DUOX2: variants seen among roughly 807,000 people sequenced by gnomAD.
DUOX2 encodes the protein dual oxidase 2, also known as NADH/NADPH thyroid oxidase p138-tox.
In DUOX2, 185 loss-of-function variants were observed where a neutral mutation model predicts 183.3. The ratio of observed to expected loss-of-function variants is 1.01; its 90% CI spans 0.90 to 1.14. The LOEUF (loss-of-function observed/expected upper bound fraction) is 1.14. Among genes scored for constraint, DUOX2 ranks in the 50% most tolerant of loss-of-function variants. The pLI, the probability that DUOX2 is intolerant of heterozygous loss-of-function variation, is 0.00. For missense variants in DUOX2, 1,999 were observed against 2,022.9 expected, an observed-to-expected ratio of 0.99 and a Z score of 0.23; for synonymous variants, 788 against 812.4, an observed-to-expected ratio of 0.97 and a Z score of 0.51.
At chr15:45,097,164 C>T in intron 29 of DUOX2, 74 bp downstream of exon 29, 2 of 1,602,538 alleles carry the variant, frequency 1.2e-6, no homozygotes, top group East Asian at 2.2e-5. Context: ...GTCAGGAGAC[C>T]TGGTGAACTG....
chr15:45,111,914 C>G lies in DUOX2; in HGVS notation c.367G>C (p.Gly123Arg), dbSNP rs1334915762. ...LSDVVSVETP[G>R]CPAEFLNIRI... ...ATGTTGAGGAACTCGGCGGGGCAAC[C>G]GGGCGTTTCCACGCTCACCACGTCG... Residue 123 changes from glycine to arginine, a missense_variant, in exon 5 of 34, where the codon GGT (glycine) becomes CGT (arginine). Gly to Arg is a moderately radical substitution (Grantham distance 125). This residue lies in a region of DUOX2 where 356 missense variants were observed against 356.4 expected (regional missense o/e 1.00). Transcript: ENST00000389039. 6.8e-6 allele frequency: 11 copies of G among 1,613,682 alleles called. No individual in the cohort carries two copies. Among genetic ancestry groups the G allele is most frequent in the Non-Finnish European group, 9.3e-6 (11 of 1,180,032 alleles).
intron 12 of DUOX2, 141 bp downstream of exon 12, chr15:45,108,648 C>A (rs1732308018): frequency 1.0e-6 from 1 of 967,590 alleles, no homozygotes. Context: ...CCAACTATGT[C>A]ATCAGTAAAA....
chr15:45,099,768 G>A lies in DUOX2; in HGVS notation c.3309C>T (p.Arg1103=). The stretch of plus-strand genomic sequence containing the variant: ...TCTCTCGCAGGAAGGTTATGAGGTT[G>A]CGGCACATGGTGAGCAAGATATAAG... The part of the protein sequence containing the change: ...MFSYILLTMC[R]NLITFLRETF... The change falls in exon 25 of 34, where the codon CGC becomes CGT. Residue 1103 remains arginine, a synonymous_variant. Coordinates refer to ENST00000389039, the MANE Select transcript of DUOX2 (RefSeq NM_001363711.2). 1 of 1,614,206 alleles carries A rather than the reference G, an allele frequency of 6.2e-7. No individual in the cohort carries two copies. The highest frequency in any genetic ancestry group is 8.5e-7 in the Non-Finnish European group (1 of 1,180,034).
At chr15:45,094,534 G>C in intron 33 of DUOX2, 29 bp downstream of exon 33, 1 of 1,601,964 alleles carries the variant, frequency 6.2e-7, no homozygotes, top group South Asian at 1.1e-5. Context: ...GAAGGCCAGA[G>C]TCCCAGGGTG....
intron 9 of DUOX2, among the ~76,000 whole-genome samples, 188 bp downstream of exon 9, chr15:45,110,240 A>G (rs553745707): frequency 1.1e-3 from 161 of 152,298 alleles, no homozygotes; most frequent in Middle Eastern, 0.01. Flanking sequence ...TTCAGCCCTT[A>G]GGAGAGCTGG....
At chr15:45,103,914 TGA>T in intron 20 of DUOX2, 44 bp downstream of exon 20, 1 of 1,603,552 alleles carries the variant, frequency 6.2e-7, no homozygotes, top group Middle Eastern at 1.7e-4. Flanking sequence ...TTTTCCTGTT[TGA>T]AACACACCAG....
chr15:45,100,435 A>T lies in DUOX2; in HGVS notation c.3006-207T>A, dbSNP rs898300563. ...TCCACCCACTCACTGTCTCCCTGCT[A>T]CTCCCCCTCCTCCTGTCTGTTTTAT... is the stretch of plus-strand genomic sequence containing the variant. On this transcript the variant is annotated intron_variant, in intron 23 of 33. Transcript: ENST00000389039. The T allele has an allele frequency of 6.6e-6, 4 of 607,944 alleles. No homozygotes were observed. In the African/African-American group the frequency reaches 7.5e-5, roughly 11 times the overall value. 37.7% of individuals were successfully genotyped at this position (607,944 alleles called of 1,614,324 possible). A position where few individuals can be genotyped will look rare whatever the true frequency, so the allele number is the denominator to read the frequency against.
At chr15:45,100,566 A>G (rs1230301830) in intron 23 of DUOX2, among the ~76,000 whole-genome samples, 189 bp downstream of exon 23, 1 of 152,196 alleles carries the variant, frequency 6.6e-6, no homozygotes, top group African/African-American at 2.4e-5. Flanking sequence ...CCCTTGCCTG[A>G]AGAATGGGGT....
In DUOX2 at chr15:45,097,265, C is replaced by T. The variant is rs764364832; in HGVS notation, c.3820G>A (p.Val1274Met). 100 of 1,614,120 alleles carry T rather than the reference C, an allele frequency of 6.2e-5. 1 individual carries two copies. Among genetic ancestry groups the T allele is most frequent in the Non-Finnish European group, 7.8e-5 (92 of 1,180,060 alleles). Residue 1274 changes from valine to methionine, a missense_variant, in exon 29 of 34, where the codon GTG becomes ATG. Physicochemically the swap from Val to Met is conservative, Grantham distance 21. Coordinates refer to ENST00000389039, the MANE Select transcript of DUOX2 (RefSeq NM_001363711.2). Reference protein sequence around the residue: ...SLSRKKVEISVVKAELLPSGV... With the variant: ...SLSRKKVEISMVKAELLPSGV... ...GAGGGCAGCAGCTCCGCCTTCACCA[C>T]GCTGATCTCCACCTTCTTCCGGCTC...
intron 28 of DUOX2, 75 bp downstream of exon 28, chr15:45,097,539 C>T (rs1893937976): frequency 6.2e-7 from 1 of 1,612,986 alleles, no homozygotes; most frequent in Admixed American, 1.7e-5. Flanking sequence ...ATCTTGGATC[C>T]AATTCTCCCT....
At chr15:45,097,907 G>A in intron 27 of DUOX2, 102 bp downstream of exon 27, 1 of 1,548,022 alleles carries the variant, frequency 6.5e-7, no homozygotes, top group Non-Finnish European at 8.9e-7. Flanking sequence ...CTGAAGGCTA[G>A]AAACAGACCC....
Position 45,093,700 on chromosome 15 carries a change from A to C in DUOX2, c.*450T>G. The C allele has an allele frequency of 5.5e-6, 1 of 180,726 alleles. No individual in the cohort carries two copies. The highest frequency in any genetic ancestry group is 1.3e-4 in the South Asian group (1 of 7,796). 11.2% of individuals were successfully genotyped at this position (180,726 alleles called of 1,614,324 possible). A position where few individuals can be genotyped will look rare whatever the true frequency, so the allele number is the denominator to read the frequency against. ...CGCATCGATTTTGTGGAAGTCAATT[A>C]GAGATGTGGGGAGCTATCGGAGACA... On this transcript the variant is annotated 3_prime_UTR_variant, in exon 34 of 34. Coordinates refer to ENST00000389039, the MANE Select transcript of DUOX2 (RefSeq NM_001363711.2).
chr15:45,113,367 A>T lies in DUOX2; in HGVS notation c.45T>A (p.Leu15=). The T allele has an allele frequency of 6.4e-7, 1 of 1,566,680 alleles. No homozygotes were observed. The highest frequency in any genetic ancestry group is 2.4e-5 in the East Asian group (1 of 42,342). ...RPEALMLLGA[L]LTGSLGPSGS... is the part of the protein sequence containing the mutation. ...CCGATGGACCCAGGGATCCAGTCAG[A>T]AGAGCTCCCAGGAGCATCAGTGCCT... Residue 15 remains leucine, a synonymous_variant, in exon 2 of 34, where the codon CTT becomes CTA. Coordinates refer to ENST00000389039, the MANE Select transcript of DUOX2 (RefSeq NM_001363711.2).
chr15:45,098,061 G>A lies in DUOX2; in HGVS notation c.3516-3C>T. The stretch of plus-strand genomic sequence containing the variant: ...AGAACTTCTGGGGAAGCTTGGACCT[G>A]GGGGGCAAAGGCACCTTGAGCCTCT... On this transcript the variant is annotated splice_region_variant and splice_polypyrimidine_tract_variant and intron_variant, in intron 26 of 33. Transcript: ENST00000389039. 1 of 1,613,906 alleles carries A rather than the reference G, an allele frequency of 6.2e-7. No homozygotes were observed. The highest frequency in any genetic ancestry group is 8.5e-7 in the Non-Finnish European group (1 of 1,179,854).
chr15:45,109,320 T>G, intron 11 of DUOX2: 1 of 605,970 alleles, frequency 1.7e-6, no homozygotes, highest in South Asian at 2.0e-5. Context: ...ATAGTTAATT[T>G]AAAATAAAAG....
chr15:45,106,698 T>C (rs1184425108), intron 15 of DUOX2, 57 bp from the exon 16 acceptor site: 2 of 1,610,212 alleles, frequency 1.2e-6, no homozygotes, highest in East Asian at 4.5e-5. Context: ...AGCTCCACTG[T>C]GGCTTAGGCT....
At position 45,112,688 on chromosome 15, in the gene DUOX2, T is replaced by C. The variant is rs1195201527; in HGVS notation, c.191A>G (p.Asn64Ser). 1.1e-5 allele frequency: 17 copies of C among 1,612,392 alleles called. No individual in the cohort carries two copies. In the East Asian group the frequency reaches 2.2e-4, roughly 21 times the overall value. Residue 64 changes from asparagine (N) to serine (S), a missense_variant, in exon 4 of 34, where the codon AAT becomes AGT. Physicochemically the swap from Asn to Ser is conservative, Grantham distance 46. Transcript: ENST00000389039. Reference protein sequence around the residue: ...GCRLQRRVPANYADGVYQALE... With the variant: ...GCRLQRRVPASYADGVYQALE... The stretch of plus-strand genomic sequence containing the variant: ...AGCCTGATACACACCGTCGGCGTAA[T>C]TGGCTGGTACGCGGCGCTGCAACCG...
chr15:45,096,912 G>C (rs1390707567), intron 29 of DUOX2, among the ~76,000 whole-genome samples: 2 of 152,140 alleles, frequency 1.3e-5, no homozygotes, highest in Non-Finnish European at 2.9e-5. Flanking sequence ...GGCATATGTG[G>C]CTTCCTGCCC....
In DUOX2 at chr15:45,099,859, G is replaced by A. The variant is rs1215378116; in HGVS notation, c.3218C>T (p.Ala1073Val). ...YGFASPPSDI[A>V]QTTLVGIILS... Reference sequence around the variant, plus strand: ...GATGATGCCCACGAGGGTGGTCTGTGCAATGTCCGAGGGTGGCGAGGCAAA... The same window carrying A: ...GATGATGCCCACGAGGGTGGTCTGTACAATGTCCGAGGGTGGCGAGGCAAA... Residue 1073 changes from alanine (A) to valine (V), a missense_variant, in exon 25 of 34, where the codon GCA becomes GTA. Around this residue, in one of 3 missense-constraint regions of DUOX2, gnomAD observed 1,628 missense variants for 1,608.6 expected, o/e 1.01. Transcript: ENST00000389039. The A allele has an allele frequency of 6.2e-7, 1 of 1,614,240 alleles. No individual in the cohort carries two copies. Among genetic ancestry groups the A allele is most frequent in the Non-Finnish European group, 8.5e-7 (1 of 1,180,040 alleles).
Sources: allele counts gnomAD v4.1 joint callset (sites outside exome capture counted in the v4.1 genomes callset), GRCh38; gene constraint gnomAD v4.1.1; regional missense constraint gnomAD v4.1.1; transcripts MANE v1.5; gene names NCBI Gene and HGNC (gene_info 2026-07-23, HGNC 2026-07-21).